Variants in NIBAN1 observed in about 807,000 individuals in gnomAD.
The protein encoded by NIBAN1 is niban apoptosis regulator 1.
A neutral mutation model predicts 75.1 loss-of-function variants in NIBAN1; 81 were observed. The observed-to-expected ratio is 1.08, with a 90% CI of 0.90 to 1.30. The LOEUF (loss-of-function observed/expected upper bound fraction) is 1.30. NIBAN1 is among the 50% of genes most tolerant of loss of function. The pLI, the probability that NIBAN1 is intolerant of heterozygous loss-of-function variation, is 0.00. For missense variants in NIBAN1, 1,133 were observed against 1,128.1 expected (o/e 1.00, Z -0.06); for synonymous variants, 436 against 424.8 (o/e 1.03, Z -0.32).
chr1:184,827,204 C>T (rs1654864093), intron 6 of NIBAN1, among the ~76,000 whole-genome samples: 1 of 152,114 alleles, frequency 6.6e-6, no homozygotes, highest in African/African-American at 2.4e-5. Context: ...ATGTCTTTAT[C>T]AGCAGCATGA....
At chr1:184,808,746 C>A (rs338568) in intron 9 of NIBAN1, among the ~76,000 whole-genome samples, 30,859 of 152,004 alleles carry the variant, frequency 0.2, 3,549 homozygotes, top group East Asian at 0.47. Context: ...CTTCTCTCTG[C>A]TATAGGTTGC....
chr1:184,824,539 G>T (rs1385807012), intron 6 of NIBAN1, among the ~76,000 whole-genome samples: 5 of 152,166 alleles, frequency 3.3e-5, no homozygotes, highest in African/African-American at 1.2e-4. Flanking sequence ...AAAGGGAAAG[G>T]CTGGCACTGG....
intron 1 of NIBAN1, among the ~76,000 whole-genome samples, chr1:184,921,760 A>G (rs1282890538): frequency 2.0e-5 from 3 of 152,232 alleles, no homozygotes; most frequent in Non-Finnish European, 4.4e-5. Flanking sequence ...AATCAATAGT[A>G]ACCTCCAAAT....
intron 4 of NIBAN1, among the ~76,000 whole-genome samples, chr1:184,889,856 C>T (rs562141892): frequency 6.6e-6 from 1 of 152,344 alleles, no homozygotes; most frequent in South Asian, 2.1e-4. Flanking sequence ...CTTGGCACTA[C>T]TGATACTTTG....
intron 1 of NIBAN1, among the ~76,000 whole-genome samples, chr1:184,972,808 G>A (rs1030599865): frequency 1.3e-5 from 2 of 152,188 alleles, no homozygotes; most frequent in Non-Finnish European, 2.9e-5. Context: ...AAATGGCACG[G>A]CCAGGAAGTC....
intron 5 of NIBAN1, among the ~76,000 whole-genome samples, chr1:184,877,906 AAACAAT>A (rs1332829926): frequency 5.4e-5 from 7 of 129,072 alleles, no homozygotes; most frequent in African/African-American, 3.3e-4. Context: ...AGCACGAACA[AAACAAT>A]TTTTTTTTTT....
chr1:184,792,811 A>T lies in NIBAN1; in HGVS notation c.*2166T>A, dbSNP rs1284438265. Reference sequence around the variant, plus strand: ...TGACTCAAGGAGGCAGGAAGCCATTATTCAAGGCTGTGGGTTTCTAGCAGG... The same window carrying T: ...TGACTCAAGGAGGCAGGAAGCCATTTTTCAAGGCTGTGGGTTTCTAGCAGG... On this transcript the variant is annotated 3_prime_UTR_variant, in exon 14 of 14. Transcript: ENST00000367511. The T allele has an allele frequency of 1.3e-5, 2 of 152,386 alleles. No individual in the cohort carries two copies. Among genetic ancestry groups the T allele is most frequent in the Admixed American group, 1.3e-4 (2 of 15,288 alleles). 9.4% of individuals were successfully genotyped at this position (152,386 alleles called of 1,614,324 possible).
At chr1:184,909,663 TCTAA>T in intron 1 of NIBAN1, among the ~76,000 whole-genome samples, 1 of 152,354 alleles carries the variant, frequency 6.6e-6, no homozygotes, top group East Asian at 1.9e-4. Flanking sequence ...TTTAGCATGT[TCTAA>T]CTTATCCTCA....
chr1:184,879,275 G>A (rs1334810684), intron 5 of NIBAN1, among the ~76,000 whole-genome samples: 6 of 152,064 alleles, frequency 3.9e-5, no homozygotes, highest in Non-Finnish European at 8.8e-5. Flanking sequence ...CATGACAATT[G>A]TATTCTTCCT....
At chr1:184,919,205 A>G (rs367632304) in intron 1 of NIBAN1, among the ~76,000 whole-genome samples, 4 of 152,338 alleles carry the variant, frequency 2.6e-5, no homozygotes, top group African/African-American at 9.6e-5. Flanking sequence ...ACAAAAAAAG[A>G]TCAGTAATTT....
At chr1:184,958,103 A>C (rs930866988) in intron 1 of NIBAN1, among the ~76,000 whole-genome samples, 12 of 152,194 alleles carry the variant, frequency 7.9e-5, no homozygotes, top group Non-Finnish European at 1.8e-4. Context: ...ACAGTGACTC[A>C]CGCCTGTAAT....
At chr1:184,806,762 CT>C (rs397863517) in intron 10 of NIBAN1, among the ~76,000 whole-genome samples, 9,213 of 131,146 alleles carry the variant, frequency 0.07, 156 homozygotes, top group African/African-American at 0.1. Context: ...CAATATATAC[CT>C]TTTTTTTTTT....
chr1:184,907,913 A>G (rs1028972233), intron 1 of NIBAN1, among the ~76,000 whole-genome samples: 27 of 152,234 alleles, frequency 1.8e-4, no homozygotes, highest in African/African-American at 5.8e-4. Flanking sequence ...ATAAAAACCA[A>G]CTTAAGTTCT....
At chr1:184,829,722 T>C (rs1444286694) in intron 6 of NIBAN1, among the ~76,000 whole-genome samples, 1 of 152,128 alleles carries the variant, frequency 6.6e-6, no homozygotes, top group Non-Finnish European at 1.5e-5. Context: ...CGCCTTGGCC[T>C]CCCAAAGTGC....
Position 184,795,979 on chromosome 1 carries a change from G to T in NIBAN1, c.1785C>A (p.Ala595=). ...TGGCAGAAGCTCTCCTGGCAGGGCTGGCCTGGTTTGACCCTGTGGGGGGCT... is the reference window on the plus strand; with the variant it reads ...TGGCAGAAGCTCTCCTGGCAGGGCTTGCCTGGTTTGACCCTGTGGGGGGCT... ...DLKPPTGSNQ[A]SPARRASAIL... Residue 595 remains alanine (A), a synonymous_variant, in exon 14 of 14, where the codon GCC becomes GCA. Coordinates refer to ENST00000367511, the MANE Select transcript of NIBAN1 (RefSeq NM_052966.4). 6.2e-7 allele frequency: 1 copy of T among 1,614,094 alleles called. No homozygotes were observed. The highest frequency in any genetic ancestry group is 1.1e-5 in the South Asian group (1 of 91,082).
At chr1:184,830,674 C>T (rs1654972633) in intron 6 of NIBAN1, among the ~76,000 whole-genome samples, 2 of 151,934 alleles carry the variant, frequency 1.3e-5, no homozygotes, top group Admixed American at 1.3e-4. Flanking sequence ...ATTTCACTAG[C>T]TCCCAAAAGA....
chr1:184,928,654 C>G lies in NIBAN1; in HGVS notation c.56-29345G>C, dbSNP rs79262140. Among the ~76,000 whole-genome samples the G allele has an allele frequency of 7.5e-3, 1,140 of 152,248 alleles. 15 individuals carry two copies. Among genetic ancestry groups the G allele is most frequent in the African/African-American group, 0.026 (1,079 of 41,554 alleles). The stretch of plus-strand genomic sequence containing the variant: ...GCAAAGTTCCTGTGCTCTCCCTCCC[C>G]CAAGCATACAGATTCTGTCTCTGTG... On this transcript the variant is annotated intron_variant, in intron 1 of 13. Transcript: ENST00000367511.
intron 1 of NIBAN1, among the ~76,000 whole-genome samples, chr1:184,926,262 G>A (rs111401680): frequency 1.4e-4 from 22 of 152,150 alleles, no homozygotes; most frequent in African/African-American, 3.9e-4. Context: ...TTTTTAAGAC[G>A]AGACTCACTC....
chr1:184,811,513 GT>G (rs55898062), intron 9 of NIBAN1, among the ~76,000 whole-genome samples: 1 of 139,034 alleles, frequency 7.2e-6, no homozygotes, highest in South Asian at 2.3e-4. Context: ...TTTTTTTTTT[GT>G]TTTTTTTTTT....
Sources: allele counts gnomAD v4.1 joint callset (sites outside exome capture counted in the v4.1 genomes callset), GRCh38; gene constraint gnomAD v4.1.1; transcripts MANE v1.5; gene names NCBI Gene and HGNC (gene_info 2026-07-23, HGNC 2026-07-21).